PTPRD: variants seen among roughly 807,000 people sequenced by gnomAD.
PTPRD encodes the protein receptor-type tyrosine-protein phosphatase delta.
A neutral mutation model predicts 214.5 loss-of-function variants in PTPRD; 34 were observed. The ratio of observed to expected loss-of-function variants is 0.16; its 90% confidence interval spans 0.12 to 0.21. The LOEUF (loss-of-function observed/expected upper bound fraction) is 0.21, where lower values mean the gene tolerates loss of function less well. PTPRD is among the 10% of genes least tolerant of loss of function. The pLI is 1.00. For missense variants in PTPRD, 2,545 were observed against 2,398.7 expected, an observed-to-expected ratio of 1.06 and a Z score of -1.27; for synonymous variants, 1,128 against 845.7, an observed-to-expected ratio of 1.33 and a Z score of -5.79.
chr9:9,301,859 A>C (rs576570620), intron 9 of PTPRD, among the ~76,000 whole-genome samples: 1 of 152,074 alleles, frequency 6.6e-6, no homozygotes, highest in African/African-American at 2.4e-5. Context: ...TTTGTGAATA[A>C]CAGGTCGATT....
intron 11 of PTPRD, among the ~76,000 whole-genome samples, chr9:8,958,518 AC>A (rs544547403): frequency 2.4e-4 from 36 of 152,044 alleles, no homozygotes; most frequent in Admixed American, 2.1e-3. Context: ...CCAGAAGAAG[AC>A]CCAGGAAACC....
chr9:8,609,669 A>G (rs1334108333), intron 14 of PTPRD, among the ~76,000 whole-genome samples: 1 of 152,104 alleles, frequency 6.6e-6, no homozygotes, highest in East Asian at 1.9e-4. Flanking sequence ...TCAACACAAA[A>G]TCCACATTTG....
chr9:10,149,661 C>T (rs1464594156), intron 3 of PTPRD, among the ~76,000 whole-genome samples: 2 of 151,690 alleles, frequency 1.3e-5, no homozygotes, highest in African/African-American at 4.8e-5. Flanking sequence ...AATTCCAGCT[C>T]ATTATTGATT....
chr9:10,174,442 G>A (rs923554895), intron 3 of PTPRD, among the ~76,000 whole-genome samples: 1 of 152,130 alleles, frequency 6.6e-6, no homozygotes, highest in East Asian at 1.9e-4. Context: ...GCCCTCAACA[G>A]AAATAGGGGC....
At chr9:10,456,178 A>G (rs2098915867) in intron 2 of PTPRD, among the ~76,000 whole-genome samples, 1 of 151,938 alleles carries the variant, frequency 6.6e-6, no homozygotes, top group Non-Finnish European at 1.5e-5. Context: ...CAACTTCAGC[A>G]GCAGGAGAAA....
rs1395796996 is a variant in PTPRD, at chr9:8,798,507, T to C, written c.-103-64561A>G. Among the ~76,000 whole-genome samples the C allele has an allele frequency of 1.3e-5, 2 of 152,208 alleles. 1 individual carries two copies. The highest frequency in any genetic ancestry group is 1.3e-4 in the Admixed American group (2 of 15,270). ...CAGGAAAAAGATTATAAATGGAAGA[T>C]GTTTAAATCTACCCAAATCATTCTG... On this transcript the variant is annotated intron_variant, in intron 11 of 45. Transcript: ENST00000381196.
At chr9:8,739,437 C>G (rs1043899072) in intron 11 of PTPRD, among the ~76,000 whole-genome samples, 9 of 152,196 alleles carry the variant, frequency 5.9e-5, no homozygotes, top group Admixed American at 6.5e-5. Context: ...TTAAACGTAG[C>G]TAGTGCGACT....
At chr9:8,753,429 T>C (rs1411488784) in intron 11 of PTPRD, among the ~76,000 whole-genome samples, 1 of 152,212 alleles carries the variant, frequency 6.6e-6, no homozygotes, top group Non-Finnish European at 1.5e-5. Context: ...GTAGGGTTGA[T>C]ACTTTAAAAG....
intron 12 of PTPRD, among the ~76,000 whole-genome samples, chr9:8,709,423 G>C (rs1365115397): frequency 6.7e-6 from 1 of 149,774 alleles, no homozygotes. Context: ...GCTGAGGCAG[G>C]AGAATGGCAT....
At chr9:8,334,374 T>TA (rs1246872474) in intron 43 of PTPRD, among the ~76,000 whole-genome samples, 110 of 146,590 alleles carry the variant, frequency 7.5e-4, no homozygotes, top group African/African-American at 2.3e-3. Flanking sequence ...AACTCAAGAT[T>TA]AAAAAAAAAA....
At chr9:8,476,961 T>C (rs1222753662) in intron 30 of PTPRD, among the ~76,000 whole-genome samples, 18 of 152,194 alleles carry the variant, frequency 1.2e-4, no homozygotes, top group Admixed American at 1.1e-3. Context: ...ATTGCAAACG[T>C]TCTTTTCTTT....
intron 2 of PTPRD, among the ~76,000 whole-genome samples, chr9:10,519,144 G>C (rs1436617195): frequency 2.7e-5 from 4 of 147,680 alleles, no homozygotes; most frequent in Non-Finnish European, 4.5e-5. Context: ...TAACTCTTGA[G>C]GACAAAATGG....
intron 9 of PTPRD, among the ~76,000 whole-genome samples, chr9:9,288,817 G>A (rs894218133): frequency 1.3e-5 from 2 of 151,792 alleles, no homozygotes; most frequent in Admixed American, 6.6e-5. Flanking sequence ...AGTTACCCTC[G>A]TGATGTTCTC....
chr9:8,484,956 G>C (rs958478123), intron 29 of PTPRD, among the ~76,000 whole-genome samples: 3 of 152,162 alleles, frequency 2.0e-5, no homozygotes, highest in Non-Finnish European at 4.4e-5. Context: ...AAAAACAAAA[G>C]CACTAGCTTA....
intron 39 of PTPRD, among the ~76,000 whole-genome samples, chr9:8,368,318 C>T (rs1321085082): frequency 2.0e-5 from 3 of 152,124 alleles, no homozygotes; most frequent in Admixed American, 6.6e-5. Context: ...CCACTCTTAT[C>T]ATAAACATCA....
intron 33 of PTPRD, among the ~76,000 whole-genome samples, chr9:8,455,821 C>T (rs1185431904): frequency 6.6e-6 from 1 of 152,140 alleles, no homozygotes; most frequent in East Asian, 1.9e-4. Flanking sequence ...GTAGAAAAAT[C>T]TATGCCTCAG....
intron 8 of PTPRD, among the ~76,000 whole-genome samples, chr9:9,436,330 C>T (rs1424159191): frequency 6.6e-6 from 1 of 152,046 alleles, no homozygotes; most frequent in East Asian, 1.9e-4. Context: ...TTCCCTGAGA[C>T]CCAAAATAGG....
Position 9,334,261 on chromosome 9 carries a change from T to C in PTPRD, c.-203+63188A>G, listed in dbSNP as rs533202397. Among the ~76,000 whole-genome samples the C allele has an allele frequency of 8.5e-5, 13 of 152,060 alleles. No homozygotes were observed. In the East Asian group the frequency reaches 9.7e-4, roughly 11 times the overall value. On this transcript the variant is annotated intron_variant, in intron 9 of 45. Coordinates refer to ENST00000381196, the MANE Select transcript of PTPRD (RefSeq NM_002839.4). ...GTACTTCAGGAACCTACAATTAAGA[T>C]GGCTCATATAAAATTAGCCAAAAAA...
intron 39 of PTPRD, among the ~76,000 whole-genome samples, chr9:8,366,968 C>A (rs187550053): frequency 6.6e-6 from 1 of 152,178 alleles, no homozygotes; most frequent in African/African-American, 2.4e-5. Context: ...TAAACGCCTA[C>A]GGCCTGTTCT....
Sources: gnomAD v4.1 joint callset for allele counts (sites outside exome capture counted in the v4.1 genomes callset) on GRCh38, gnomAD v4.1.1 for gene constraint, MANE v1.5 for transcripts, NCBI Gene and HGNC (gene_info 2026-07-23, HGNC 2026-07-21) for gene names.